The following SCN1A variants were observed in gnomAD, a reference collection of about 807,000 sequenced individuals.
The protein encoded by SCN1A is sodium channel protein type 1 subunit alpha.
In SCN1A, 13 loss-of-function variants were observed where a neutral mutation model predicts 193.7. The ratio of observed to expected loss-of-function variants is 0.07; its 90% CI spans 0.04 to 0.11. The LOEUF is 0.11. Among genes scored for constraint, SCN1A ranks in the 10% least tolerant of loss-of-function variants. SCN1A has a pLI of 1.00. For missense variants in SCN1A, 1,432 were observed against 2,451.1 expected (o/e 0.58, Z 8.78); for synonymous variants, 781 against 843.6 (o/e 0.93, Z 1.29).
At chr2:166,142,823 C>T (rs1484621164) in intron 1 of SCN1A, among the ~76,000 whole-genome samples, 3 of 152,154 alleles carry the variant, frequency 2.0e-5, no homozygotes, top group African/African-American at 2.4e-5. Context: ...GGCAGTTTCC[C>T]CCATACTGTT....
intron 2 of SCN1A, among the ~76,000 whole-genome samples, chr2:166,102,857 A>G (rs1688257167): frequency 6.6e-6 from 1 of 152,232 alleles, no homozygotes; most frequent in Non-Finnish European, 1.5e-5. Context: ...GCTAGGGAAC[A>G]TTACACAGCC....
At chr2:166,064,726 A>G (rs1358399239) in intron 4 of SCN1A, among the ~76,000 whole-genome samples, 1 of 152,176 alleles carries the variant, frequency 6.6e-6, no homozygotes. Context: ...TCTTCAAAGT[A>G]CATAGTTTAA....
chr2:166,009,612 G>T (rs905740764), intron 23 of SCN1A, 107 bp downstream of exon 23: 3 of 1,034,620 alleles, frequency 2.9e-6, no homozygotes, highest in Non-Finnish European at 1.4e-6. Context: ...TAGCAATTTT[G>T]CAAGAATTTG....
intron 2 of SCN1A, among the ~76,000 whole-genome samples, chr2:166,116,467 A>G (rs1378165896): frequency 2.0e-5 from 3 of 152,198 alleles, no homozygotes; most frequent in Non-Finnish European, 4.4e-5. Context: ...TGTGACAAAT[A>G]TCTTCTCTAT....
At chr2:166,037,461 A>G (rs1224406374) in intron 18 of SCN1A, among the ~76,000 whole-genome samples, 2 of 152,176 alleles carry the variant, frequency 1.3e-5, no homozygotes, top group Non-Finnish European at 2.9e-5. Context: ...TCATCTCAAT[A>G]TGATACTCTA....
intron 1 of SCN1A, among the ~76,000 whole-genome samples, chr2:166,133,546 G>A (rs893567773): frequency 6.6e-6 from 1 of 152,098 alleles, no homozygotes; most frequent in African/African-American, 2.4e-5. Flanking sequence ...TGATGTAATA[G>A]CATTATTCCT....
rs140953823 is a variant in SCN1A at position 166,072,734 on chromosome 2, G to A, written c.264+624C>T. Among the ~76,000 whole-genome samples the A allele has an allele frequency of 2.3e-3, 355 of 151,380 alleles. 1 individual carries two copies. The highest frequency in any genetic ancestry group is 7.5e-3 in the African/African-American group (308 of 41,292). ...ACAGAAAGTACAAAAAAATTGTATA[G>A]TAAATCGAATCTGTGGAGAGAATCT... On this transcript the variant is annotated intron_variant, in intron 4 of 28. Transcript: ENST00000674923.
At position 165,991,616 on chromosome 2, in the gene SCN1A, T is replaced by G; in HGVS notation, c.5659A>C (p.Ile1887Leu). 6.2e-7 allele frequency: 1 copy of G among 1,613,852 alleles called. No individual in the cohort carries two copies. The highest frequency in any genetic ancestry group is 8.5e-7 in the Non-Finnish European group (1 of 1,179,892). The change falls in exon 29 of 29, where the codon ATA becomes CTA. Residue 1887 changes from isoleucine to leucine, a missense_variant. Physicochemically the swap from Ile to Leu is conservative, Grantham distance 5. Transcript: ENST00000674923. ...GCCATGAATCGCTCTTCCATCTGTA[T>G]TCGTAGAGCATCCATCTCTCCACTC... The part of the protein sequence containing the change: ...GESGEMDALR[I>L]QMEERFMASN...
intron 6 of SCN1A, 88 bp downstream of exon 6, chr2:166,056,323 C>T: frequency 1.2e-6 from 1 of 864,772 alleles, no homozygotes; most frequent in South Asian, 1.4e-5. Context: ...TAATAAAATG[C>T]TCTTCAGTTT....
chr2:166,104,991 C>T (rs916677160), intron 2 of SCN1A, among the ~76,000 whole-genome samples: 9 of 152,184 alleles, frequency 5.9e-5, no homozygotes, highest in African/African-American at 2.2e-4. Flanking sequence ...TTCTCAGCTT[C>T]TGATATGTTT....
intron 2 of SCN1A, among the ~76,000 whole-genome samples, chr2:166,110,390 T>G (rs989977992): frequency 6.6e-6 from 1 of 152,210 alleles, no homozygotes; most frequent in South Asian, 2.1e-4. Context: ...TGAAGGAAAT[T>G]AAAAGTGCTA....
intron 2 of SCN1A, among the ~76,000 whole-genome samples, chr2:166,125,841 C>T (rs1249364063): frequency 6.6e-6 from 1 of 152,062 alleles, no homozygotes; most frequent in Non-Finnish European, 1.5e-5. Flanking sequence ...GAGAAATTAC[C>T]ATAATAAATG....
chr2:166,067,699 GC>G lies in SCN1A; in HGVS notation c.264+5658del. On this transcript the variant is annotated intron_variant, in intron 4 of 28. Transcript: ENST00000674923. ...TTATATATAGCATGTAGAGTACATAGCTTTTTTTTTTTTTTTTGCCTGCTTA... is the reference window on the plus strand; with the variant it reads ...TTATATATAGCATGTAGAGTACATAGTTTTTTTTTTTTTTTTGCCTGCTTA... Among the ~76,000 whole-genome samples the G allele has an allele frequency of 2.5e-5, 3 of 122,358 alleles. 1 individual carries two copies. The South Asian group carries it at 8.3e-4, about 34-fold the overall frequency. The allele number at this position is 122,358 out of a possible 152,430, so 80.3% of individuals were successfully genotyped here.
At chr2:166,004,370 A>G (rs984157049) in intron 23 of SCN1A, among the ~76,000 whole-genome samples, 9 of 151,672 alleles carry the variant, frequency 5.9e-5, no homozygotes, top group Non-Finnish European at 1.2e-4. Context: ...GTATGAGCAG[A>G]ACACTGATTA....
chr2:166,063,780 T>C (rs892884598), intron 4 of SCN1A, among the ~76,000 whole-genome samples: 2 of 152,128 alleles, frequency 1.3e-5, no homozygotes, highest in Non-Finnish European at 1.5e-5. Context: ...TCTGAATTAT[T>C]ATCATTTGGG....
At chr2:166,097,573 T>A (rs930049885) in intron 2 of SCN1A, among the ~76,000 whole-genome samples, 2 of 152,042 alleles carry the variant, frequency 1.3e-5, no homozygotes, top group Non-Finnish European at 2.9e-5. Flanking sequence ...TTTGGTATGT[T>A]CAAAGGTACT....
At chr2:166,027,525 A>G (rs750852980) in intron 19 of SCN1A, among the ~76,000 whole-genome samples, 3 of 151,782 alleles carry the variant, frequency 2.0e-5, no homozygotes, top group Non-Finnish European at 4.4e-5. Flanking sequence ...TCTGGAATTT[A>G]AGGGTCAAAA....
chr2:166,082,148 T>G (rs1323122486), intron 2 of SCN1A, among the ~76,000 whole-genome samples: 1 of 151,952 alleles, frequency 6.6e-6, no homozygotes. Flanking sequence ...AACCAATAAA[T>G]GGCAAAGATT....
At chr2:166,098,150 C>G (rs1054174987) in intron 2 of SCN1A, among the ~76,000 whole-genome samples, 1 of 152,132 alleles carries the variant, frequency 6.6e-6, no homozygotes, top group Non-Finnish European at 1.5e-5. Flanking sequence ...CCCAGCAGCA[C>G]ATCCAAAAAG....
Sources: allele counts gnomAD v4.1 joint callset (sites outside exome capture counted in the v4.1 genomes callset), GRCh38; gene constraint gnomAD v4.1.1; transcripts MANE v1.5; gene names NCBI Gene and HGNC (gene_info 2026-07-23, HGNC 2026-07-21).